Variants in STX8 observed in about 807,000 individuals in gnomAD.
STX8 encodes syntaxin-8.
In STX8, 23 loss-of-function variants were observed where a neutral mutation model predicts 37.5. The observed-to-expected ratio is 0.61, with a 90% CI of 0.44 to 0.87. STX8 has a LOEUF of 0.87. STX8 is among the 40% of genes least tolerant of loss of function. The pLI is 0.00. For synonymous variants in STX8, 115 were observed against 99.1 expected (o/e 1.16, Z -0.95); for missense variants, 313 against 284.7 (o/e 1.10, Z -0.71).
chr17:9,436,647 C>G (rs1314950243), intron 6 of STX8, among the ~76,000 whole-genome samples: 1 of 151,118 alleles, frequency 6.6e-6, no homozygotes, highest in Non-Finnish European at 1.5e-5. Context: ...TGATGAAGAG[C>G]TGGCTGAAAA....
At chr17:9,263,274 C>T (rs912270052) in intron 7 of STX8, among the ~76,000 whole-genome samples, 19 of 151,990 alleles carry the variant, frequency 1.3e-4, no homozygotes, top group Non-Finnish European at 4.4e-5. Flanking sequence ...GTCGGGAGTT[C>T]GAGACCAGCC....
chr17:9,572,311 C>T (rs1907717067), intron 1 of STX8, among the ~76,000 whole-genome samples: 2 of 152,170 alleles, frequency 1.3e-5, no homozygotes, highest in South Asian at 4.1e-4. Flanking sequence ...CTGCTATATT[C>T]CATTGCTAGA....
intron 1 of STX8, among the ~76,000 whole-genome samples, chr17:9,568,869 CAGAG>C (rs1304325282): frequency 1.3e-5 from 2 of 152,142 alleles, no homozygotes; most frequent in Admixed American, 1.3e-4. Flanking sequence ...AGAATTCAAA[CAGAG>C]GGGAAGAATA....
At chr17:9,522,053 A>G (rs1463141437) in intron 4 of STX8, among the ~76,000 whole-genome samples, 1 of 152,162 alleles carries the variant, frequency 6.6e-6, no homozygotes, top group Admixed American at 6.5e-5. Context: ...TGGGTCTCCA[A>G]CTCAAATTTC....
chr17:9,538,132 A>T (rs546036790), intron 4 of STX8, among the ~76,000 whole-genome samples: 1 of 152,200 alleles, frequency 6.6e-6, no homozygotes, highest in East Asian at 1.9e-4. Flanking sequence ...GTACTTAGTA[A>T]CTCCTTGGGG....
At chr17:9,367,323 C>A (rs1911259506) in intron 7 of STX8, among the ~76,000 whole-genome samples, 1 of 152,138 alleles carries the variant, frequency 6.6e-6, no homozygotes, top group Non-Finnish European at 1.5e-5. Context: ...TCCTCAGACT[C>A]CCTTAAGAGA....
At chr17:9,483,683 G>A (rs1906446848) in intron 6 of STX8, among the ~76,000 whole-genome samples, 2 of 152,124 alleles carry the variant, frequency 1.3e-5, no homozygotes, top group South Asian at 2.1e-4. Flanking sequence ...CCTTTAAGGA[G>A]CACAGTCATA....
intron 6 of STX8, among the ~76,000 whole-genome samples, chr17:9,400,814 C>A (rs73973725): frequency 0.016 from 2,479 of 152,052 alleles, 69 homozygotes; most frequent in African/African-American, 0.056. Flanking sequence ...TGGTTACAAT[C>A]ATGGATTATC....
At chr17:9,483,467 C>A (rs1906435813) in intron 6 of STX8, among the ~76,000 whole-genome samples, 1 of 152,128 alleles carries the variant, frequency 6.6e-6, no homozygotes, top group Non-Finnish European at 1.5e-5. Flanking sequence ...GTCCCTTTTG[C>A]CATTTAAGGT....
intron 6 of STX8, among the ~76,000 whole-genome samples, chr17:9,382,171 TCACACA>T (rs57809204): frequency 5.4e-5 from 8 of 146,970 alleles, no homozygotes; most frequent in Admixed American, 2.1e-4. Context: ...AAGAAAACAC[TCACACA>T]CACACACACA....
At chr17:9,359,324 G>A (rs1468972932) in intron 7 of STX8, among the ~76,000 whole-genome samples, 4 of 152,046 alleles carry the variant, frequency 2.6e-5, no homozygotes, top group Admixed American at 6.6e-5. Context: ...TAATACGCAG[G>A]AAAAGAGGTA....
chr17:9,464,949 C>T (rs780196449), intron 6 of STX8: 2 of 152,224 alleles, frequency 1.3e-5, no homozygotes, highest in Non-Finnish European at 1.5e-5. Flanking sequence ...TCTCGAACTC[C>T]TGACCTCATG....
chr17:9,395,691 G>C (rs1003936418), intron 6 of STX8, among the ~76,000 whole-genome samples: 6 of 152,150 alleles, frequency 3.9e-5, no homozygotes, highest in African/African-American at 1.4e-4. Flanking sequence ...TTTATACGGT[G>C]CCTAGTGACA....
At chr17:9,281,542 G>A (rs1253578265) in intron 7 of STX8, among the ~76,000 whole-genome samples, 2 of 152,086 alleles carry the variant, frequency 1.3e-5, no homozygotes, top group African/African-American at 2.4e-5. Flanking sequence ...TGAGCCACAG[G>A]GGAAATTTTC....
At chr17:9,462,709 C>T (rs930008349) in intron 6 of STX8, among the ~76,000 whole-genome samples, 11 of 152,098 alleles carry the variant, frequency 7.2e-5, no homozygotes, top group Admixed American at 1.3e-4. Flanking sequence ...GGCAACAGAG[C>T]GAGGCTCTGT....
intron 7 of STX8, among the ~76,000 whole-genome samples, chr17:9,259,147 C>A (rs1028999278): frequency 1.3e-5 from 2 of 152,154 alleles, no homozygotes; most frequent in Non-Finnish European, 2.9e-5. Context: ...TACTATGACA[C>A]GTTGGGAAAG....
chr17:9,485,966 G>C (rs1190745697), intron 6 of STX8, among the ~76,000 whole-genome samples: 1 of 152,160 alleles, frequency 6.6e-6, no homozygotes, highest in African/African-American at 2.4e-5. Context: ...AATGACAAAA[G>C]AATGTCCCAG....
At chr17:9,316,544 A>T (rs1423278798) in intron 7 of STX8, among the ~76,000 whole-genome samples, 1 of 152,186 alleles carries the variant, frequency 6.6e-6, no homozygotes, top group Non-Finnish European at 1.5e-5. Flanking sequence ...GCTGCTGACC[A>T]TGTGGCGGTA....
intron 7 of STX8, among the ~76,000 whole-genome samples, chr17:9,329,379 TTGAAA>T (rs1251048873): frequency 2.0e-5 from 3 of 152,192 alleles, no homozygotes; most frequent in African/African-American, 4.8e-5. Flanking sequence ...TTTCCAACAC[TTGAAA>T]TGAACTCCTG....
Sources: allele counts gnomAD v4.1 joint callset (sites outside exome capture counted in the v4.1 genomes callset), GRCh38; gene constraint gnomAD v4.1.1; transcripts MANE v1.5; gene names NCBI Gene and HGNC (gene_info 2026-07-23, HGNC 2026-07-21).